Variants in GALNT13 observed in about 807,000 individuals in gnomAD.
The protein encoded by GALNT13 is polypeptide N-acetylgalactosaminyltransferase 13, also known as UDP-GalNAc:polypeptide N-acetylgalactosaminyltransferase 13.
In GALNT13, 28 loss-of-function variants were observed where a neutral mutation model predicts 64.2. The observed-to-expected ratio is 0.44, with a 90% confidence interval of 0.32 to 0.60. GALNT13 has a LOEUF of 0.60. Among genes scored for constraint, GALNT13 ranks in the 20% least tolerant of loss-of-function variants. GALNT13 has a pLI of 0.05. For missense variants in GALNT13, 577 were observed against 669.8 expected (o/e 0.86, Z 1.53); for synonymous variants, 214 against 224.6 (o/e 0.95, Z 0.42).
At chr2:154,388,961 TTTA>T (rs540505239) in intron 9 of GALNT13, among the ~76,000 whole-genome samples, 5 of 152,304 alleles carry the variant, frequency 3.3e-5, no homozygotes, top group East Asian at 1.9e-4. Context: ...ATCTCAATTT[TTTA>T]TTATTTCATA....
At chr2:153,762,647 T>C in the GALNT13 span, 19 of 153,542 alleles carry the variant, frequency 1.2e-4, no homozygotes, top group Non-Finnish European at 2.5e-4. Flanking sequence ...ATTTCACCAT[T>C]TTCTACAGCT....
chr2:153,345,980 A>G, the GALNT13 span, among the ~76,000 whole-genome samples: 1 of 150,354 alleles, frequency 6.7e-6, no homozygotes, highest in African/African-American at 2.5e-5. Flanking sequence ...GTTTGTTTGT[A>G]TGTTTGTTTT....
intron 12 of GALNT13, among the ~76,000 whole-genome samples, chr2:154,444,901 T>C (rs566726870): frequency 6.6e-6 from 1 of 152,162 alleles, no homozygotes; most frequent in East Asian, 1.9e-4. Context: ...GTTTGTAGAT[T>C]ATTTTAGTGA....
chr2:153,810,917 T>G, the GALNT13 span, among the ~76,000 whole-genome samples: 1 of 152,278 alleles, frequency 6.6e-6, no homozygotes, highest in African/African-American at 2.4e-5. Flanking sequence ...AACCACTTTG[T>G]GAGGTAAAAT....
At chr2:153,980,188 T>A (rs1170836624) in intron 3 of GALNT13, among the ~76,000 whole-genome samples, 1 of 152,166 alleles carries the variant, frequency 6.6e-6, no homozygotes. Flanking sequence ...AGGAGGCTAG[T>A]GACATGGTCA....
At chr2:153,301,793 C>T in the GALNT13 span, among the ~76,000 whole-genome samples, 1 of 151,978 alleles carries the variant, frequency 6.6e-6, no homozygotes, top group South Asian at 2.1e-4. Context: ...GCTTATTTCA[C>T]TTAACATAAT....
At chr2:153,163,701 CTT>C in the GALNT13 span, among the ~76,000 whole-genome samples, 1 of 152,176 alleles carries the variant, frequency 6.6e-6, no homozygotes, top group Non-Finnish European at 1.5e-5. Context: ...CTATCAGTCA[CTT>C]TGCCTCTTAA....
intron 2 of GALNT13, chr2:153,926,400 T>C (rs1690139598): frequency 6.6e-6 from 1 of 151,994 alleles, no homozygotes; most frequent in Non-Finnish European, 1.5e-5. Context: ...GGATTTAAGG[T>C]TGTATTTGTT....
At chr2:153,303,147 C>T in the GALNT13 span, among the ~76,000 whole-genome samples, 1 of 152,066 alleles carries the variant, frequency 6.6e-6, no homozygotes, top group Admixed American at 6.6e-5. Context: ...GCCATTTTTA[C>T]AATATTAATT....
At chr2:154,369,250 G>C (rs1157249479) in intron 9 of GALNT13, among the ~76,000 whole-genome samples, 2 of 151,998 alleles carry the variant, frequency 1.3e-5, no homozygotes, top group Non-Finnish European at 2.9e-5. Context: ...TGGCACTATA[G>C]AAAGAGCACA....
intron 4 of GALNT13, among the ~76,000 whole-genome samples, chr2:154,206,446 C>T (rs188402870): frequency 1.3e-5 from 2 of 151,944 alleles, no homozygotes; most frequent in East Asian, 1.9e-4. Flanking sequence ...TGCTTACTTA[C>T]AAATATTTAC....
the GALNT13 span, among the ~76,000 whole-genome samples, chr2:153,334,094 T>C: frequency 3.9e-4 from 59 of 152,270 alleles, no homozygotes; most frequent in South Asian, 0.01. Flanking sequence ...TCAGGAAAAG[T>C]GGCAGAAACT....
At chr2:153,719,330 G>C in the GALNT13 span, among the ~76,000 whole-genome samples, 1 of 152,130 alleles carries the variant, frequency 6.6e-6, no homozygotes, top group African/African-American at 2.4e-5. Flanking sequence ...AACTTACAAA[G>C]AACATTTTCC....
the GALNT13 span, among the ~76,000 whole-genome samples, chr2:153,784,228 T>C: frequency 3.3e-5 from 5 of 152,194 alleles, no homozygotes; most frequent in Non-Finnish European, 7.4e-5. Context: ...ATGTGGACAG[T>C]GAAGTCCAGG....
the GALNT13 span, among the ~76,000 whole-genome samples, chr2:153,235,889 T>C: frequency 1.3e-5 from 2 of 152,182 alleles, no homozygotes; most frequent in Non-Finnish European, 2.9e-5. Context: ...AAAAAGCATG[T>C]TCAAAGCTGA....
the GALNT13 span, among the ~76,000 whole-genome samples, chr2:153,786,510 T>G: frequency 6.6e-6 from 1 of 151,636 alleles, no homozygotes; most frequent in Non-Finnish European, 1.5e-5. Context: ...AGCAGCACTT[T>G]AATCCCTGCT....
intron 3 of GALNT13, among the ~76,000 whole-genome samples, chr2:154,079,879 C>T (rs1701182869): frequency 6.6e-6 from 1 of 151,538 alleles, no homozygotes; most frequent in African/African-American, 2.4e-5. Flanking sequence ...TACTTTGCCC[C>T]TCCATTGGAG....
chr2:153,722,025 C>A, the GALNT13 span, among the ~76,000 whole-genome samples: 1 of 149,172 alleles, frequency 6.7e-6, no homozygotes, highest in African/African-American at 2.5e-5. Flanking sequence ...CACCACACCA[C>A]ACCTATTCCA....
chr2:153,563,325 T>C, the GALNT13 span, among the ~76,000 whole-genome samples: 1 of 152,092 alleles, frequency 6.6e-6, no homozygotes, highest in Non-Finnish European at 1.5e-5. Context: ...TTCGCTTTAG[T>C]TTTCTTAATT....
Sources: allele counts gnomAD v4.1 joint callset (sites outside exome capture counted in the v4.1 genomes callset), GRCh38; gene constraint gnomAD v4.1.1; transcripts MANE v1.5; gene names NCBI Gene and HGNC (gene_info 2026-07-23, HGNC 2026-07-21).